Variants in VAMP4 observed in about 807,000 individuals in gnomAD.
VAMP4 encodes vesicle-associated membrane protein 4.
A neutral mutation model predicts 23.5 loss-of-function variants in VAMP4; 19 were observed. The ratio of observed to expected loss-of-function variants is 0.81; its 90% CI spans 0.56 to 1.19. VAMP4 has a LOEUF of 1.19. Ranked by LOEUF, VAMP4 falls within the 50% of genes most tolerant of loss-of-function variation. The pLI, the probability that VAMP4 is intolerant of heterozygous loss-of-function variation, is 0.00. For missense variants in VAMP4, 145 were observed against 168.6 expected, an observed-to-expected ratio of 0.86 and a Z score of 0.78; for synonymous variants, 31 against 51.0, an observed-to-expected ratio of 0.61 and a Z score of 1.67.
chr1:171,724,097 G>C (rs978532573), intron 3 of VAMP4, among the ~76,000 whole-genome samples: 3 of 152,160 alleles, frequency 2.0e-5, no homozygotes, highest in Non-Finnish European at 4.4e-5. Context: ...TGACAGACTG[G>C]ATTAAGAAAA....
In VAMP4 at chr1:171,717,509, G is replaced by A. The variant is rs373720142; in HGVS notation, c.164+1662C>T. Among the ~76,000 whole-genome samples the A allele has an allele frequency of 1.6e-3, 239 of 152,104 alleles. 1 individual carries two copies. Among genetic ancestry groups the A allele is most frequent in the African/African-American group, 5.4e-3 (226 of 41,494 alleles). On this transcript the variant is annotated intron_variant, in intron 4 of 7. Coordinates refer to ENST00000236192, the MANE Select transcript of VAMP4 (RefSeq NM_003762.5). ...CTTATCACCTCCCAGGTTCTGATGC[G>A]GTATAAACTTTCTGCAGGCTCTATG...
chr1:171,736,698 C>A (rs985069342), intron 2 of VAMP4, among the ~76,000 whole-genome samples: 14 of 151,746 alleles, frequency 9.2e-5, no homozygotes, highest in Admixed American at 5.9e-4. Flanking sequence ...CAAAACAGGC[C>A]GAGTGCAGTG....
chr1:171,730,198 G>A (rs1655517837), intron 2 of VAMP4, among the ~76,000 whole-genome samples: 1 of 152,194 alleles, frequency 6.6e-6, no homozygotes, highest in Admixed American at 6.5e-5. Context: ...GTTGTTTTAA[G>A]TGTGTGGTAA....
At chr1:171,710,607 C>T in intron 5 of VAMP4, 107 bp downstream of exon 5, 2 of 781,140 alleles carry the variant, frequency 2.6e-6, no homozygotes, top group East Asian at 2.7e-5. Flanking sequence ...ACTTAAGAAC[C>T]AAATGCCAAT....
At chr1:171,708,337 CAAAA>C (rs200077955) in intron 6 of VAMP4, among the ~76,000 whole-genome samples, 5 of 87,452 alleles carry the variant, frequency 5.7e-5, no homozygotes, top group Non-Finnish European at 4.7e-5. Context: ...AAGAGTGCCA[CAAAA>C]AAAAAAAAAA....
At chr1:171,722,674 A>G (rs1458431479) in intron 3 of VAMP4, among the ~76,000 whole-genome samples, 1 of 152,252 alleles carries the variant, frequency 6.6e-6, no homozygotes, top group Non-Finnish European at 1.5e-5. Context: ...ATCACTGACC[A>G]TCAGAGAAAT....
intron 7 of VAMP4, among the ~76,000 whole-genome samples, chr1:171,704,988 C>T (rs1654605230): frequency 6.6e-6 from 1 of 151,980 alleles, no homozygotes; most frequent in South Asian, 2.1e-4. Flanking sequence ...TAATATTTCA[C>T]ATTTTCCAAT....
intron 2 of VAMP4, among the ~76,000 whole-genome samples, chr1:171,729,889 TC>T (rs1387772158): frequency 1.3e-5 from 2 of 152,100 alleles, no homozygotes; most frequent in Admixed American, 6.5e-5. Context: ...GCAGATGTGA[TC>T]ACGGATCTTG....
rs1449347104 is a variant in VAMP4, at chr1:171,702,224, C to T, written c.*2282G>A. On this transcript the variant is annotated 3_prime_UTR_variant, in exon 8 of 8. Coordinates refer to ENST00000236192, the MANE Select transcript of VAMP4 (RefSeq NM_003762.5). The stretch of plus-strand genomic sequence containing the variant: ...TACCACAATAAAGTCATAACCATGC[C>T]AGCCATTTTAAGGATTTCAGGATTA... 3 of 151,930 alleles carry T rather than the reference C, an allele frequency of 2.0e-5. No individual in the cohort carries two copies. The highest frequency in any genetic ancestry group is 4.4e-5 in the Non-Finnish European group (3 of 67,900). 9.4% of individuals were successfully genotyped at this position (151,930 alleles called of 1,614,324 possible).
intron 2 of VAMP4, among the ~76,000 whole-genome samples, chr1:171,735,246 A>G (rs1655702648): frequency 6.6e-6 from 1 of 152,262 alleles, no homozygotes; most frequent in South Asian, 2.1e-4. Context: ...TAGGAAATAT[A>G]AATAGTTTCA....
At chr1:171,722,955 T>C (rs1655243738) in intron 3 of VAMP4, among the ~76,000 whole-genome samples, 1 of 152,116 alleles carries the variant, frequency 6.6e-6, no homozygotes, top group South Asian at 2.1e-4. Context: ...TAATTCAACA[T>C]AGGACCTTTT....
intron 2 of VAMP4, among the ~76,000 whole-genome samples, chr1:171,734,671 G>A (rs1023477484): frequency 6.6e-6 from 1 of 152,044 alleles, no homozygotes; most frequent in African/African-American, 2.4e-5. Context: ...ACTTTTAAAA[G>A]ATTTTAAAAG....
rs1469548304 is a variant in VAMP4, at chr1:171,719,205, G to A, written c.130C>T (p.Pro44Ser). The A allele has an allele frequency of 1.2e-6, 2 of 1,610,818 alleles. No individual in the cohort carries two copies. Among genetic ancestry groups the A allele is most frequent in the Non-Finnish European group, 1.7e-6 (2 of 1,178,498 alleles). The change falls in exon 4 of 8, where the codon CCA (proline) becomes TCA (serine). Residue 44 changes from proline (P) to serine (S), a missense_variant. Transcript: ENST00000236192. ...TTATCATTTCTAGGTCCAAATCTTG[G>A]TCCAGATGGTCCCCTTCTGAAAACA... ...EDFFLRGPSG[P>S]RFGPRNDKIK...
chr1:171,706,441 T>C (rs1654655949), intron 6 of VAMP4, 23 bp from the exon 7 acceptor site: 1 of 1,594,236 alleles, frequency 6.3e-7, no homozygotes, highest in South Asian at 1.1e-5. Flanking sequence ...AAAGGGCATA[T>C]ATATTAATAT....
intron 2 of VAMP4, among the ~76,000 whole-genome samples, chr1:171,729,274 C>T (rs1361893548): frequency 6.6e-6 from 1 of 152,072 alleles, no homozygotes; most frequent in Non-Finnish European, 1.5e-5. Context: ...TGCTTGGGAC[C>T]AGAAGTATTT....
At chr1:171,731,419 T>C (rs976436739) in intron 2 of VAMP4, among the ~76,000 whole-genome samples, 9 of 140,398 alleles carry the variant, frequency 6.4e-5, no homozygotes, top group African/African-American at 2.5e-4. Flanking sequence ...AGTATAATAA[T>C]AATAATAAAA....
chr1:171,715,324 A>C (rs1164783674), intron 4 of VAMP4, among the ~76,000 whole-genome samples: 2 of 152,194 alleles, frequency 1.3e-5, no homozygotes, highest in African/African-American at 4.8e-5. Context: ...CAATGAGGAA[A>C]AGACATTTCC....
intron 2 of VAMP4, among the ~76,000 whole-genome samples, chr1:171,731,124 T>A (rs1458137125): frequency 6.6e-6 from 1 of 152,056 alleles, no homozygotes; most frequent in Admixed American, 6.5e-5. Flanking sequence ...ATCTTTTACG[T>A]GCTTCTATGT....
chr1:171,713,976 C>T (rs1305659826), intron 4 of VAMP4, among the ~76,000 whole-genome samples: 3 of 152,162 alleles, frequency 2.0e-5, no homozygotes, highest in Non-Finnish European at 4.4e-5. Context: ...TGTAATAAAT[C>T]ACTATTGATA....
Sources: gnomAD v4.1 joint callset for allele counts (sites outside exome capture counted in the v4.1 genomes callset) on GRCh38, gnomAD v4.1.1 for gene constraint, MANE v1.5 for transcripts, NCBI Gene and HGNC (gene_info 2026-07-23, HGNC 2026-07-21) for gene names.